The following FNIP1 variants were observed in gnomAD, a reference collection of about 807,000 sequenced individuals.
FNIP1 encodes folliculin interacting protein 1.
In FNIP1, 40 loss-of-function variants were observed where a neutral mutation model predicts 124.5. The ratio of observed to expected loss-of-function variants is 0.32; its 90% confidence interval spans 0.25 to 0.42. The LOEUF (loss-of-function observed/expected upper bound fraction) is 0.42. Among genes scored for constraint, FNIP1 ranks in the 10% least tolerant of loss-of-function variants. The pLI is 1.00. For missense variants in FNIP1, 1,176 were observed against 1,403.7 expected (o/e 0.84, Z 2.59); for synonymous variants, 472 against 470.6 (o/e 1.00, Z -0.04).
chr5:131,747,616 A>G (rs1026628304), intron 1 of FNIP1, among the ~76,000 whole-genome samples: 2 of 152,192 alleles, frequency 1.3e-5, no homozygotes, highest in African/African-American at 4.8e-5. Context: ...CTACCACGGG[A>G]GTCACTAAAA....
rs1450189561 is a variant in FNIP1, at chr5:131,641,903, GTTT to G, written c.*2779_*2781del. The G allele has an allele frequency of 6.6e-6, 1 of 152,552 alleles. No individual in the cohort carries two copies. The highest frequency in any genetic ancestry group is 1.5e-5 in the Non-Finnish European group (1 of 67,984). 9.4% of individuals were successfully genotyped at this position (152,552 alleles called of 1,614,324 possible). ...CAGAAGTAGGCATTATGTAAAATCT[GTTT>G]TTTTAAGTGATCATCCCCAGAGTAT... On this transcript the variant is annotated 3_prime_UTR_variant, in exon 18 of 18. Coordinates refer to ENST00000510461, the MANE Select transcript of FNIP1 (RefSeq NM_133372.3).
chr5:131,718,623 G>A (rs1168841940), intron 5 of FNIP1, among the ~76,000 whole-genome samples: 1 of 152,188 alleles, frequency 6.6e-6, no homozygotes. Context: ...GGTCAGTCCT[G>A]TCTTTAGGGT....
At chr5:131,785,081 T>TC (rs1554100702) in intron 1 of FNIP1, among the ~76,000 whole-genome samples, 126 of 12,076 alleles carry the variant, frequency 0.01, 4 homozygotes, top group African/African-American at 0.028. Flanking sequence ...ATATATGACA[T>TC]ATATATATGA....
At chr5:131,747,839 T>C (rs968921297) in intron 1 of FNIP1, among the ~76,000 whole-genome samples, 2 of 152,016 alleles carry the variant, frequency 1.3e-5, no homozygotes, top group African/African-American at 4.8e-5. Flanking sequence ...CATCTGAACA[T>C]GTTTACATAT....
Position 131,672,572 on chromosome 5 carries a change from G to C in FNIP1, c.1872C>G (p.Asn624Lys). The C allele has an allele frequency of 6.2e-7, 1 of 1,614,052 alleles. No homozygotes were observed. Among genetic ancestry groups the C allele is most frequent in the South Asian group, 1.1e-5 (1 of 91,080 alleles). ...TATCTTCTCTCTCTTGTTGTGAAAT[G>C]TTCTCTACATTTTGCCCAAGGAGTG... Reference protein sequence around the residue: ...SHPLLGQNVENISQQEREDIQ... With the variant: ...SHPLLGQNVEKISQQEREDIQ... The change falls in exon 14 of 18, where the codon AAC becomes AAG. Residue 624 changes from asparagine (N) to lysine (K), a missense_variant. Asn to Lys is a moderately conservative substitution (Grantham distance 94). Around this residue, in one of 2 missense-constraint regions of FNIP1, gnomAD observed 1,109 missense variants for 1,288.5 expected, o/e 0.86. Coordinates refer to ENST00000510461, the MANE Select transcript of FNIP1 (RefSeq NM_133372.3).
intron 1 of FNIP1, among the ~76,000 whole-genome samples, chr5:131,762,313 C>G (rs988906516): frequency 6.6e-6 from 1 of 152,012 alleles, no homozygotes; most frequent in African/African-American, 2.4e-5. Flanking sequence ...AAGAGACAAC[C>G]CATAGAATGG....
chr5:131,700,086 C>T (rs892633837), intron 10 of FNIP1, among the ~76,000 whole-genome samples: 5 of 151,006 alleles, frequency 3.3e-5, no homozygotes, highest in African/African-American at 4.9e-5. Flanking sequence ...CAGGTTCAAG[C>T]GATTCTCCTG....
Position 131,700,739 on chromosome 5 carries a change from T to G in FNIP1, c.1117-1737A>C, listed in dbSNP as rs1465344424. Among the ~76,000 whole-genome samples the G allele has an allele frequency of 6.1e-5, 9 of 147,962 alleles. No individual in the cohort carries two copies. The South Asian group carries it at 1.9e-3, about 32-fold the overall frequency. On this transcript the variant is annotated intron_variant, in intron 10 of 17. Transcript: ENST00000510461. ...AGAAACAAAATCCATAGCTTTTATT[T>G]AAAAAAAAAAATAGTCTGAAAACTG...
rs773290224 is a variant in FNIP1, at chr5:131,716,620, G to A, written c.567C>T (p.Asn189=). The A allele has an allele frequency of 6.2e-7, 1 of 1,604,964 alleles. No individual in the cohort carries two copies. Among genetic ancestry groups the A allele is most frequent in the Non-Finnish European group, 8.5e-7 (1 of 1,176,096 alleles). ...QDSLEFINQD[N]NTLKADNNTV... ...TGTTATTATCAGCCTTTAATGTATT[G>A]TTGTCCTGATTGATGAATTCAAGAC... Residue 189 remains asparagine (N), a synonymous_variant, in exon 6 of 18, where the codon AAC becomes AAT. Transcript: ENST00000510461.
At chr5:131,716,425 A>G (rs1769467763) in intron 6 of FNIP1, 140 bp downstream of exon 6, 3 of 524,512 alleles carry the variant, frequency 5.7e-6, no homozygotes, top group Non-Finnish European at 6.7e-6. Flanking sequence ...ACATACTGGC[A>G]ATTTAAATGC....
chr5:131,658,581 C>A (rs1561640606), intron 15 of FNIP1, among the ~76,000 whole-genome samples: 1 of 151,960 alleles, frequency 6.6e-6, no homozygotes, highest in Non-Finnish European at 1.5e-5. Flanking sequence ...AAAGGCTGAT[C>A]ATTCAAAGTA....
intron 2 of FNIP1, among the ~76,000 whole-genome samples, chr5:131,733,510 C>A (rs1200331617): frequency 6.6e-6 from 1 of 152,110 alleles, no homozygotes; most frequent in Admixed American, 6.5e-5. Context: ...CCCATCGATA[C>A]CTAATTTATT....
intron 1 of FNIP1, among the ~76,000 whole-genome samples, chr5:131,760,892 A>AGGAAAGAG (rs1284993625): frequency 3.7e-5 from 5 of 136,136 alleles, no homozygotes; most frequent in African/African-American, 1.3e-4. Flanking sequence ...GAGGGAAGGA[A>AGGAAAGAG]GGAAAGAGGG....
chr5:131,783,216 C>G (rs1382516081), intron 1 of FNIP1, among the ~76,000 whole-genome samples: 3 of 152,044 alleles, frequency 2.0e-5, no homozygotes, highest in African/African-American at 7.2e-5. Context: ...CAGGTGTATT[C>G]TCTTCAGAAA....
chr5:131,676,828 A>G (rs529835584), intron 13 of FNIP1, among the ~76,000 whole-genome samples: 1 of 152,306 alleles, frequency 6.6e-6, no homozygotes, highest in South Asian at 2.1e-4. Flanking sequence ...GGAACAAGGG[A>G]GAAAGCCAGT....
At chr5:131,787,378 A>G (rs747156067) in intron 1 of FNIP1, among the ~76,000 whole-genome samples, 3 of 152,166 alleles carry the variant, frequency 2.0e-5, no homozygotes, top group Non-Finnish European at 2.9e-5. Flanking sequence ...CGAGTTTGAA[A>G]ACCAAGTGGT....
intron 15 of FNIP1, among the ~76,000 whole-genome samples, chr5:131,658,461 T>C (rs1399291110): frequency 6.6e-6 from 1 of 152,098 alleles, no homozygotes; most frequent in Non-Finnish European, 1.5e-5. Context: ...TGCAATTTTA[T>C]TCAACTGGTC....
chr5:131,709,361 C>T, intron 7 of FNIP1, 89 bp from the exon 8 acceptor site: 1 of 1,097,932 alleles, frequency 9.1e-7, no homozygotes. Flanking sequence ...CGAAATCATG[C>T]TCATCTCATT....
intron 1 of FNIP1, among the ~76,000 whole-genome samples, chr5:131,756,769 G>C (rs1272783894): frequency 1.3e-5 from 2 of 152,138 alleles, no homozygotes; most frequent in African/African-American, 2.4e-5. Flanking sequence ...ATGTGAGGTG[G>C]GTGGCTTGAA....
Sources: allele counts gnomAD v4.1 joint callset (sites outside exome capture counted in the v4.1 genomes callset), GRCh38; gene constraint gnomAD v4.1.1; regional missense constraint gnomAD v4.1.1; transcripts MANE v1.5; gene names NCBI Gene and HGNC (gene_info 2026-07-23, HGNC 2026-07-21).